Variants in TAOK2 observed in about 807,000 individuals in gnomAD.
The protein encoded by TAOK2 is serine/threonine-protein kinase TAO2.
A neutral mutation model predicts 122.5 loss-of-function variants in TAOK2; 42 were observed. The observed-to-expected ratio is 0.34, with a 90% confidence interval of 0.27 to 0.44. TAOK2 has a LOEUF of 0.44. Among genes scored for constraint, TAOK2 ranks in the 20% least tolerant of loss-of-function variants. TAOK2 has a pLI of 1.00. For synonymous variants in TAOK2, 704 were observed against 677.6 expected (o/e 1.04, Z -0.61); for missense variants, 1,264 against 1,644.9 (o/e 0.77, Z 4.01).
Position 29,977,836 on chromosome 16 carries a change from G to A in TAOK2, c.64G>A (p.Asp22Asn). 6.2e-7 allele frequency: 1 copy of A among 1,614,196 alleles called. No individual in the cohort carries two copies. Among genetic ancestry groups the A allele is most frequent in the Non-Finnish European group, 8.5e-7 (1 of 1,180,042 alleles). The part of the protein sequence containing the change: ...DPDVAELFFK[D>N]DPEKLFSDLR... ...AGATGTGGCTGAGCTCTTCTTCAAG[G>A]ATGACCCAGAAAAGCTCTTCTCTGA... The change falls in exon 2 of 16, where the codon GAT (aspartate) becomes AAT (asparagine). Residue 22 changes from aspartate to asparagine, a missense_variant. By Grantham distance (23) the Asp-to-Asn change is conservative. Transcript: ENST00000308893.
chr16:29,986,214 C>CA lies in TAOK2; in HGVS notation c.1993-50dup. On this transcript the variant is annotated intron_variant, in intron 15 of 15. Coordinates refer to ENST00000308893, the MANE Select transcript of TAOK2 (RefSeq NM_016151.4). The surrounding 1 kb of genome is among the most constrained non-coding windows in gnomAD (Gnocchi z 4.2). ...CCTCTGCCAAGGAGCCCTGGCCTCT[C>CA]ACTTCCTTGATACTGACCAGGCCCC... 2 of 1,504,508 alleles carry CA rather than the reference C, an allele frequency of 1.3e-6. No homozygotes were observed. Among genetic ancestry groups the CA allele is most frequent in the Non-Finnish European group, 1.8e-6 (2 of 1,128,902 alleles). The allele number at this position is 1,504,508 out of a possible 1,614,324, so 93.2% of individuals were successfully genotyped here.
At position 29,987,513 on chromosome 16, in the gene TAOK2, A is replaced by G. The variant is rs1567250822; in HGVS notation, c.3241A>G (p.Ile1081Val). The G allele has an allele frequency of 1.6e-5, 25 of 1,607,254 alleles. No homozygotes were observed. Among genetic ancestry groups the G allele is most frequent in the Non-Finnish European group, 2.1e-5 (25 of 1,175,980 alleles). ...RQQGPRVRRGISRLWLRVLLR... is the reference protein window; with the variant it reads ...RQQGPRVRRGVSRLWLRVLLR... ...GCAGGGCCCCCGGGTGCGCCGGGGCATATCTCGACTCTGGTTGCGGGTTCT... is the reference window on the plus strand; with the variant it reads ...GCAGGGCCCCCGGGTGCGCCGGGGCGTATCTCGACTCTGGTTGCGGGTTCT... Residue 1081 changes from isoleucine (I) to valine (V), a missense_variant, in exon 16 of 16, where the codon ATA (isoleucine) becomes GTA (valine). By Grantham distance (29) the Ile-to-Val change is conservative (BLOSUM62 3). Around this residue, in one of 4 missense-constraint regions of TAOK2, gnomAD observed 824 missense variants for 908.7 expected, o/e 0.91. Coordinates refer to ENST00000308893, the MANE Select transcript of TAOK2 (RefSeq NM_016151.4).
intron 10 of TAOK2, among the ~76,000 whole-genome samples, chr16:29,982,294 A>C (rs1596604224): frequency 6.6e-6 from 1 of 152,332 alleles, no homozygotes; most frequent in African/African-American, 2.4e-5. Context: ...GATTTCCCTT[A>C]GGTGTTTTTT....
Position 29,985,787 on chromosome 16 carries a change from G to C in TAOK2, c.1918G>C (p.Glu640Gln). 6.2e-7 allele frequency: 1 copy of C among 1,611,810 alleles called. No homozygotes were observed. Among genetic ancestry groups the C allele is most frequent in the Non-Finnish European group, 8.5e-7 (1 of 1,179,874 alleles). Residue 640 changes from glutamate to glutamine, a missense_variant, in exon 15 of 16, where the codon GAG becomes CAG. Around this residue, in one of 4 missense-constraint regions of TAOK2, gnomAD observed 824 missense variants for 908.7 expected, o/e 0.91. Coordinates refer to ENST00000308893, the MANE Select transcript of TAOK2 (RefSeq NM_016151.4). The surrounding 1 kb of genome is among the most constrained non-coding windows in gnomAD (Gnocchi z 6.9). ...GCTGCGGCGGCAGCGCCAGTACTTT[G>C]AGCTGCAGTGTCGCCAGTACAAGCG... ...GLLRRQRQYF[E>Q]LQCRQYKRKM...
chr16:29,989,543 C>G (rs766015877), downstream of TAOK2: 12 of 1,608,920 alleles, frequency 7.5e-6, no homozygotes, highest in Non-Finnish European at 1.0e-5. Flanking sequence ...TCCTCTTCCT[C>G]CTCCTCTTCC....
intron 13 of TAOK2, chr16:29,984,971 A>G (rs1300569991): frequency 8.0e-6 from 3 of 375,566 alleles, no homozygotes; most frequent in African/African-American, 4.2e-5. Context: ...GATTGTTCCT[A>G]CTTTTGTGCC....
At chr16:29,989,236 T>C (rs751199987), downstream of TAOK2, 177 of 985,168 alleles carry the variant, frequency 1.8e-4, no homozygotes, top group Non-Finnish European at 2.1e-4. Context: ...GCTTCCAAGA[T>C]CCTCAGTTCC....
chr16:29,988,979 C>G (rs1285308851), downstream of TAOK2: 1 of 985,216 alleles, frequency 1.0e-6, no homozygotes, highest in African/African-American at 1.7e-5. Context: ...TTGCCCCTTT[C>G]TCCTCTGCGG....
In TAOK2 at chr16:29,978,105, A is replaced by G. The variant is rs763906149; in HGVS notation, c.149A>G (p.Asn50Ser). ...GTCCTCTAGGCCCGGGATGTCCGGAATAGTGAGGTGGTGGCCATCAAGAAG... is the reference window on the plus strand; with the variant it reads ...GTCCTCTAGGCCCGGGATGTCCGGAGTAGTGAGGTGGTGGCCATCAAGAAG... Reference protein sequence around the residue: ...GAVYFARDVRNSEVVAIKKMS... With the variant: ...GAVYFARDVRSSEVVAIKKMS... The change falls in exon 3 of 16, where the codon AAT becomes AGT. Residue 50 changes from asparagine to serine, a missense_variant. Asn to Ser is a conservative substitution (Grantham distance 46). Transcript: ENST00000308893. 6.8e-6 allele frequency: 11 copies of G among 1,614,124 alleles called. No individual in the cohort carries two copies. Among genetic ancestry groups the G allele is most frequent in the Non-Finnish European group, 8.5e-6 (10 of 1,180,002 alleles).
intron 13 of TAOK2, among the ~76,000 whole-genome samples, chr16:29,984,109 G>A (rs1305658207): frequency 6.6e-6 from 1 of 152,216 alleles, no homozygotes; most frequent in African/African-American, 2.4e-5. Context: ...TGATAGGTTT[G>A]CCAGATTCTG....
intron 5 of TAOK2, 37 bp from the exon 6 acceptor site, chr16:29,978,937 G>C: frequency 6.2e-7 from 1 of 1,613,746 alleles, no homozygotes; most frequent in Non-Finnish European, 8.5e-7. Context: ...TCCCACCCTT[G>C]CGCTCCCTCG....
At chr16:29,977,535 G>A (rs1254205387) in intron 1 of TAOK2, among the ~76,000 whole-genome samples, 1 of 152,156 alleles carries the variant, frequency 6.6e-6, no homozygotes, top group African/African-American at 2.4e-5. Context: ...GGACTCCAGG[G>A]ACCCAGCCCG....
At chr16:29,990,518 C>T, downstream of TAOK2, 1 of 303,782 alleles carries the variant, frequency 3.3e-6, no homozygotes, top group African/African-American at 2.1e-5. Flanking sequence ...TTTATTTAAC[C>T]CATCCCTTAT....
At chr16:29,982,699 A>G in intron 10 of TAOK2, 35 bp from the exon 11 acceptor site, 1 of 1,593,470 alleles carries the variant, frequency 6.3e-7, no homozygotes, top group Non-Finnish European at 8.6e-7. Context: ...GGGGAAGGGG[A>G]GTTGGCAGCA....
At position 29,985,364 on chromosome 16, in the gene TAOK2, A is replaced by G; in HGVS notation, c.1574A>G (p.Gln525Arg). The G allele has an allele frequency of 6.2e-7, 1 of 1,611,448 alleles. No individual in the cohort carries two copies. Among genetic ancestry groups the G allele is most frequent in the Non-Finnish European group, 8.5e-7 (1 of 1,178,562 alleles). ...CGGGAGGAGCACAGTGCACGGCTGCAGCGGGAGCTTGAGGCGCAGCGGGCT... is the reference window on the plus strand; with the variant it reads ...CGGGAGGAGCACAGTGCACGGCTGCGGCGGGAGCTTGAGGCGCAGCGGGCT... ...GEREEHSARL[Q>R]RELEAQRAGF... Residue 525 changes from glutamine (Q) to arginine (R), a missense_variant, in exon 14 of 16, where the codon CAG (glutamine) becomes CGG (arginine). Physicochemically the swap from Gln to Arg is conservative, Grantham distance 43 (BLOSUM62 1). Around this residue, in one of 4 missense-constraint regions of TAOK2, gnomAD observed 64 missense variants for 115.7 expected, o/e 0.55. Transcript: ENST00000308893. This position sits in a 1 kb window ranked among gnomAD's most constrained non-coding sequence, Gnocchi z 6.9.
downstream of TAOK2, chr16:29,991,353 C>G (rs757819156): frequency 3.1e-6 from 5 of 1,594,124 alleles, no homozygotes; most frequent in Non-Finnish European, 4.3e-6. The surrounding 1 kb of genome is among the most constrained non-coding windows in gnomAD (Gnocchi z 5.6). Flanking sequence ...CCCAGGCCCC[C>G]CAAACTGGCT....
In TAOK2 at chr16:29,975,606, T is replaced by C. The variant is rs140616168; in HGVS notation, c.-36+958T>C. Among the ~76,000 whole-genome samples, 762 of 152,306 alleles carry C rather than the reference T, an allele frequency of 5.0e-3. 7 individuals carry two copies. The highest frequency in any genetic ancestry group is 0.017 in the African/African-American group (706 of 41,574). On this transcript the variant is annotated intron_variant, in intron 1 of 15. Coordinates refer to ENST00000308893, the MANE Select transcript of TAOK2 (RefSeq NM_016151.4). ...CTTTTGCCTCTGCCTCATGGAGTTT[T>C]CTATCCACTGTGACCTTCATCTTTA...
Position 29,987,664 on chromosome 16 carries a change from G to T in TAOK2, c.3392G>T (p.Gly1131Val), listed in dbSNP as rs769306491. 6.2e-7 allele frequency: 1 copy of T among 1,613,694 alleles called. No individual in the cohort carries two copies. Among genetic ancestry groups the T allele is most frequent in the Non-Finnish European group, 8.5e-7 (1 of 1,179,844 alleles). The change falls in exon 16 of 16, where the codon GGG (glycine) becomes GTG (valine). Residue 1131 changes from glycine (G) to valine (V), a missense_variant. Around this residue, in one of 4 missense-constraint regions of TAOK2, gnomAD observed 824 missense variants for 908.7 expected, o/e 0.91. Transcript: ENST00000308893. ...TTCCGCAGCCGCCTGCCCGTCCCTGGGCCCCGGCGGCGTAATCCCCGCACC... is the reference window on the plus strand; with the variant it reads ...TTCCGCAGCCGCCTGCCCGTCCCTGTGCCCCGGCGGCGTAATCCCCGCACC... ...DGFRSRLPVP[G>V]PRRRNPRTTQ...
chr16:29,979,181 T>C lies in TAOK2; in HGVS notation c.450-14T>C, dbSNP rs1319157523. ...TGAGACACATGTCTCATCCCTGTAC[T>C]TTGCCTCTGGCAGGGATGTGAAGGC... On this transcript the variant is annotated splice_polypyrimidine_tract_variant and intron_variant, in intron 6 of 15. Coordinates refer to ENST00000308893, the MANE Select transcript of TAOK2 (RefSeq NM_016151.4). The surrounding 1 kb of genome is among the most constrained non-coding windows in gnomAD (Gnocchi z 4.1). 6.2e-7 allele frequency: 1 copy of C among 1,614,018 alleles called. No homozygotes were observed. Among genetic ancestry groups the C allele is most frequent in the Admixed American group, 1.7e-5 (1 of 60,024 alleles).
Sources: allele counts gnomAD v4.1 joint callset (sites outside exome capture counted in the v4.1 genomes callset), GRCh38; gene constraint gnomAD v4.1.1; regional missense constraint gnomAD v4.1.1; non-coding constraint Gnocchi (gnomAD v3.1); transcripts MANE v1.5; gene names NCBI Gene and HGNC (gene_info 2026-07-23, HGNC 2026-07-21).